OPCML: variants seen among roughly 807,000 people sequenced by gnomAD.
OPCML encodes the protein opioid-binding protein/cell adhesion molecule.
OPCML carries 13 observed loss-of-function variants against 37.8 expected under a neutral mutation model. The ratio of observed to expected loss-of-function variants is 0.34; its 90% CI spans 0.22 to 0.55. OPCML has a LOEUF of 0.55. Ranked by LOEUF, OPCML falls within the 20% of genes least tolerant of loss-of-function variation. OPCML has a pLI of 0.91. For missense variants in OPCML, 341 were observed against 435.6 expected (o/e 0.78, Z 1.93); for synonymous variants, 176 against 168.8 (o/e 1.04, Z -0.33).
At chr11:133,164,481 C>T (rs1950183656) in intron 1 of OPCML, among the ~76,000 whole-genome samples, 1 of 152,178 alleles carries the variant, frequency 6.6e-6, no homozygotes. Flanking sequence ...ATGTCCAAGG[C>T]CATGAGATGG....
chr11:132,955,404 A>G (rs1230864437), intron 1 of OPCML, among the ~76,000 whole-genome samples: 1 of 152,242 alleles, frequency 6.6e-6, no homozygotes, highest in Non-Finnish European at 1.5e-5. Context: ...TATTTAAAAA[A>G]TAGTGACAGT....
intron 1 of OPCML, among the ~76,000 whole-genome samples, chr11:133,482,892 A>G (rs1161540630): frequency 6.6e-6 from 1 of 152,180 alleles, no homozygotes; most frequent in African/African-American, 2.4e-5. Context: ...AACGCCCAAA[A>G]TGTTACACAA....
chr11:133,027,759 G>A (rs918019577), intron 1 of OPCML, among the ~76,000 whole-genome samples: 5 of 398 alleles, frequency 0.013, no homozygotes, highest in Non-Finnish European at 0.04. Flanking sequence ...TGTGTTTGAC[G>A]TGTGGTGTGT....
chr11:133,253,411 G>C (rs1941207796), intron 1 of OPCML, among the ~76,000 whole-genome samples: 1 of 152,152 alleles, frequency 6.6e-6, no homozygotes, highest in African/African-American at 2.4e-5. Context: ...CCAGGTTCAA[G>C]TGATTCTCTT....
At chr11:132,962,966 A>T (rs1745782692) in intron 1 of OPCML, among the ~76,000 whole-genome samples, 1 of 152,190 alleles carries the variant, frequency 6.6e-6, no homozygotes, top group African/African-American at 2.4e-5. Context: ...CAGACAGAGC[A>T]GGAGGCCTGC....
At chr11:133,428,472 A>G (rs1946050706) in intron 1 of OPCML, among the ~76,000 whole-genome samples, 1 of 152,250 alleles carries the variant, frequency 6.6e-6, no homozygotes, top group Non-Finnish European at 1.5e-5. Flanking sequence ...ACTGCCAGTA[A>G]TAAGATTATT....
At chr11:132,457,326 G>C (rs190233402) in intron 4 of OPCML, among the ~76,000 whole-genome samples, 316 of 152,312 alleles carry the variant, frequency 2.1e-3, no homozygotes, top group African/African-American at 7.1e-3. Context: ...AACACAAGTG[G>C]TGAGACATCT....
intron 3 of OPCML, among the ~76,000 whole-genome samples, chr11:132,571,509 G>A (rs1395985697): frequency 6.6e-6 from 1 of 152,268 alleles, no homozygotes; most frequent in South Asian, 2.1e-4. Context: ...TCTCATATAA[G>A]TGGGATCATG....
intron 2 of OPCML, among the ~76,000 whole-genome samples, chr11:132,925,636 A>G (rs1944963052): frequency 6.6e-6 from 1 of 152,072 alleles, no homozygotes; most frequent in African/African-American, 2.4e-5. Context: ...CTTTTTAAAG[A>G]TCCTAGAAGA....
At chr11:132,609,280 G>A (rs570127575) in intron 3 of OPCML, among the ~76,000 whole-genome samples, 3 of 152,228 alleles carry the variant, frequency 2.0e-5, no homozygotes, top group South Asian at 2.1e-4. Flanking sequence ...TCTCACATCC[G>A]GTTTAAAGAA....
At chr11:132,495,544 C>T (rs1166077280) in intron 4 of OPCML, among the ~76,000 whole-genome samples, 2 of 152,150 alleles carry the variant, frequency 1.3e-5, no homozygotes, top group Non-Finnish European at 2.9e-5. Context: ...TCACACAGGA[C>T]TGTAAAATTA....
At chr11:132,866,878 C>T (rs1259980268) in intron 2 of OPCML, among the ~76,000 whole-genome samples, 2 of 152,160 alleles carry the variant, frequency 1.3e-5, no homozygotes, top group East Asian at 1.9e-4. Flanking sequence ...CTTCAAGTCC[C>T]TTGATCTTCC....
chr11:133,314,985 C>CATGT lies in OPCML; in HGVS notation c.61+217278_61+217279insACAT, dbSNP rs1555138362. ...TGAAAACCACACCTCAGTGTGTGTG[C>CATGT]GTGTGTGTGTGTTAGAAGAGAAACC... On this transcript the variant is annotated intron_variant, in intron 1 of 7. Transcript: ENST00000524381. Among the ~76,000 whole-genome samples, 1,027 of 151,590 alleles carry CATGT rather than the reference C, an allele frequency of 6.8e-3. 14 individuals carry two copies. The highest frequency in any genetic ancestry group is 0.024 in the African/African-American group (978 of 41,266).
chr11:132,683,223 ACT>A (rs1943027798), intron 2 of OPCML, among the ~76,000 whole-genome samples: 1 of 152,054 alleles, frequency 6.6e-6, no homozygotes. Context: ...ACACAGAGAG[ACT>A]CTGTCGCTAC....
rs141070874 is a variant in OPCML at position 133,460,046 on chromosome 11, G to A, written c.61+72218C>T. ...TCTGTTCTTATCACAATGGAATGAC[G>A]AGAAATTAACAACAGAAGGAAAACT... On this transcript the variant is annotated intron_variant, in intron 1 of 7. Transcript: ENST00000524381. Among the ~76,000 whole-genome samples the A allele has an allele frequency of 3.3e-3, 500 of 152,064 alleles. 2 individuals carry two copies. The highest frequency in any genetic ancestry group is 0.011 in the African/African-American group (471 of 41,536).
intron 1 of OPCML, among the ~76,000 whole-genome samples, chr11:133,263,218 G>T (rs1174757078): frequency 1.3e-5 from 2 of 151,774 alleles, no homozygotes; most frequent in African/African-American, 2.4e-5. Flanking sequence ...CTGTTTGCGG[G>T]GACTAAATTA....
chr11:132,863,184 T>A (rs1942379525), intron 2 of OPCML, among the ~76,000 whole-genome samples: 1 of 152,102 alleles, frequency 6.6e-6, no homozygotes, highest in Admixed American at 6.5e-5. Flanking sequence ...GGGGCGTGGC[T>A]CGGCCGAGGA....
chr11:132,813,910 G>A (rs1308363727), intron 2 of OPCML, among the ~76,000 whole-genome samples: 2 of 152,190 alleles, frequency 1.3e-5, no homozygotes, highest in African/African-American at 4.8e-5. Flanking sequence ...ACCCTTGTCT[G>A]AGATAGGTGT....
intron 1 of OPCML, among the ~76,000 whole-genome samples, chr11:133,015,211 G>C (rs1303035821): frequency 6.6e-6 from 1 of 152,110 alleles, no homozygotes; most frequent in Non-Finnish European, 1.5e-5. Context: ...TTGATCAATA[G>C]ATAAGGGATA....
Sources: gnomAD v4.1 joint callset for allele counts (sites outside exome capture counted in the v4.1 genomes callset) on GRCh38, gnomAD v4.1.1 for gene constraint, MANE v1.5 for transcripts, NCBI Gene and HGNC (gene_info 2026-07-23, HGNC 2026-07-21) for gene names.